The following MYO1D variants were observed in gnomAD, a reference collection of about 807,000 sequenced individuals.
MYO1D encodes myosin ID.
MYO1D carries 83 observed loss-of-function variants against 122.0 expected under a neutral mutation model. The ratio of observed to expected loss-of-function variants is 0.68; its 90% CI spans 0.57 to 0.82. The LOEUF is 0.82. MYO1D is among the 40% of genes least tolerant of loss of function. MYO1D has a pLI of 0.00. For missense variants in MYO1D, 1,157 were observed against 1,269.5 expected (o/e 0.91, Z 1.35); for synonymous variants, 464 against 446.9 (o/e 1.04, Z -0.48).
intron 16 of MYO1D, among the ~76,000 whole-genome samples, chr17:32,659,993 A>AT (rs560081599): frequency 6.6e-6 from 1 of 151,980 alleles, no homozygotes; most frequent in Admixed American, 6.6e-5. Context: ...AGAGATACTT[A>AT]TTTTTTTTCA....
At chr17:32,843,141 C>T (rs999305865) in intron 1 of MYO1D, among the ~76,000 whole-genome samples, 6 of 152,216 alleles carry the variant, frequency 3.9e-5, no homozygotes, top group South Asian at 2.1e-4. Context: ...CCGCCCGCCT[C>T]GGCCTCCCAA....
At chr17:32,730,923 T>TTTTG (rs1362484388) in intron 14 of MYO1D, among the ~76,000 whole-genome samples, 4 of 151,282 alleles carry the variant, frequency 2.6e-5, no homozygotes, top group Non-Finnish European at 5.9e-5. Flanking sequence ...TTTTTTTTTT[T>TTTTG]TCAGAGACAG....
At chr17:32,565,453 A>C (rs963702262) in intron 21 of MYO1D, among the ~76,000 whole-genome samples, 1 of 152,126 alleles carries the variant, frequency 6.6e-6, no homozygotes, top group Non-Finnish European at 1.5e-5. Context: ...TGGAGATATG[A>C]CCTGGTGAAA....
At chr17:32,504,221 C>A (rs560907563) in intron 21 of MYO1D, among the ~76,000 whole-genome samples, 4 of 152,182 alleles carry the variant, frequency 2.6e-5, no homozygotes, top group African/African-American at 4.8e-5. Context: ...CTCCCAGGCC[C>A]GGGGGCGTGA....
chr17:32,739,606 C>T (rs12450277), intron 13 of MYO1D, among the ~76,000 whole-genome samples: 1,623 of 151,234 alleles, frequency 0.011, 31 homozygotes, highest in Admixed American at 0.03. Flanking sequence ...CAAACCTGCA[C>T]GCTGTGCACA....
At chr17:32,509,668 A>G (rs954646570) in intron 21 of MYO1D, among the ~76,000 whole-genome samples, 7 of 151,646 alleles carry the variant, frequency 4.6e-5, no homozygotes, top group African/African-American at 1.7e-4. Context: ...GGCTCACTGC[A>G]ACCTCCGCCT....
chr17:32,772,687 G>A (rs892725632), intron 5 of MYO1D, 102 bp downstream of exon 5: 12 of 941,438 alleles, frequency 1.3e-5, no homozygotes, highest in Non-Finnish European at 2.1e-5. Context: ...CGGGGCCAAT[G>A]GAGATGAGTG....
intron 1 of MYO1D, among the ~76,000 whole-genome samples, chr17:32,803,544 G>C (rs1325670806): frequency 3.9e-5 from 6 of 152,124 alleles, no homozygotes; most frequent in African/African-American, 1.4e-4. Flanking sequence ...CATGAAATTG[G>C]TTTGGGAAAA....
intron 20 of MYO1D, among the ~76,000 whole-genome samples, chr17:32,618,979 G>C (rs1221845725): frequency 6.6e-6 from 1 of 152,002 alleles, no homozygotes; most frequent in African/African-American, 2.4e-5. Flanking sequence ...TCCTTTTGTT[G>C]CAAGAATCTT....
At chr17:32,585,126 A>G (rs1041874229) in intron 21 of MYO1D, among the ~76,000 whole-genome samples, 2 of 152,194 alleles carry the variant, frequency 1.3e-5, no homozygotes, top group Admixed American at 1.3e-4. Flanking sequence ...GAAATATAAT[A>G]TTCTTTAACA....
intron 15 of MYO1D, among the ~76,000 whole-genome samples, chr17:32,719,525 T>C (rs964711508): frequency 5.9e-5 from 9 of 151,996 alleles, no homozygotes; most frequent in Admixed American, 2.6e-4. Context: ...TAATTTTTTG[T>C]ATTTTTAGTA....
At chr17:32,690,011 C>T (rs2089073699) in intron 16 of MYO1D, among the ~76,000 whole-genome samples, 1 of 152,144 alleles carries the variant, frequency 6.6e-6, no homozygotes, top group Non-Finnish European at 1.5e-5. Context: ...TAGGCATAAG[C>T]TACTGCGCCT....
intron 1 of MYO1D, among the ~76,000 whole-genome samples, chr17:32,824,840 T>TCCTC (rs1386607643): frequency 1.3e-5 from 2 of 152,180 alleles, no homozygotes; most frequent in Non-Finnish European, 2.9e-5. Flanking sequence ...CTCCCGCTCT[T>TCCTC]CCTCCCTCCC....
chr17:32,546,680 A>T (rs1384428613), intron 21 of MYO1D, among the ~76,000 whole-genome samples: 1 of 152,230 alleles, frequency 6.6e-6, no homozygotes, highest in Non-Finnish European at 1.5e-5. Flanking sequence ...GTGCTCCCAA[A>T]TATGAAAATA....
At chr17:32,511,781 A>G (rs777825428) in intron 21 of MYO1D, among the ~76,000 whole-genome samples, 6 of 152,164 alleles carry the variant, frequency 3.9e-5, no homozygotes, top group Non-Finnish European at 4.4e-5. Context: ...ATGCACCAGC[A>G]CCCACACCTT....
intron 1 of MYO1D, among the ~76,000 whole-genome samples, chr17:32,869,959 C>T (rs2091164843): frequency 1.3e-5 from 2 of 151,922 alleles, no homozygotes; most frequent in Non-Finnish European, 2.9e-5. Flanking sequence ...AAAGTAGATC[C>T]CATCAGAACC....
intron 21 of MYO1D, among the ~76,000 whole-genome samples, chr17:32,513,432 G>C (rs60695001): frequency 0.44 from 67,134 of 151,960 alleles, 15,391 homozygotes; most frequent in African/African-American, 0.48. Flanking sequence ...GAAGGAGGTG[G>C]AAAGAGAGAA....
intron 14 of MYO1D, 124 bp from the exon 15 acceptor site, chr17:32,721,313 C>T (rs992045667): frequency 1.2e-6 from 1 of 868,850 alleles, no homozygotes; most frequent in East Asian, 2.5e-5. Flanking sequence ...CTCAGGCATA[C>T]ACTTGTGAAT....
At chr17:32,640,398 A>G (rs2088179315) in intron 19 of MYO1D, among the ~76,000 whole-genome samples, 1 of 150,912 alleles carries the variant, frequency 6.6e-6, no homozygotes, top group Non-Finnish European at 1.5e-5. Context: ...ATATGTATAC[A>G]TGTGCCATGC....
Sources: allele counts gnomAD v4.1 joint callset (sites outside exome capture counted in the v4.1 genomes callset), GRCh38; gene constraint gnomAD v4.1.1; transcripts MANE v1.5; gene names NCBI Gene and HGNC (gene_info 2026-07-23, HGNC 2026-07-21).